Variants in NCAPH2 observed in about 807,000 individuals in gnomAD.
NCAPH2 encodes the protein non-SMC condensin II complex subunit H2.
A neutral mutation model predicts 88.6 loss-of-function variants in NCAPH2; 56 were observed. The observed-to-expected ratio is 0.63, with a 90% CI of 0.51 to 0.79. NCAPH2 has a LOEUF of 0.79. Among genes scored for constraint, NCAPH2 ranks in the 30% least tolerant of loss-of-function variants. The pLI, the probability that NCAPH2 is intolerant of heterozygous loss-of-function variation, is 0.00. For missense variants in NCAPH2, 794 were observed against 792.0 expected (o/e 1.00, Z -0.03); for synonymous variants, 378 against 313.6 (o/e 1.21, Z -2.17).
intron 2 of NCAPH2, 87 bp from the exon 3 acceptor site, chr22:50,517,340 C>A: frequency 7.0e-7 from 1 of 1,421,308 alleles, no homozygotes; most frequent in Non-Finnish European, 9.9e-7. Context: ...GTGGCCAGGC[C>A]TCGTGGGGGC....
rs894901842 is a variant in NCAPH2 at position 50,516,792 on chromosome 22, G to A, written c.210+244G>A. ...TTGTCTTGGGGGAATGACACCTGCT[G>A]TGTGCACTTGGACACAGCCCAGGGT... is the stretch of plus-strand genomic sequence containing the variant. On this transcript the variant is annotated intron_variant, in intron 2 of 19. Coordinates refer to ENST00000420993, the MANE Select transcript of NCAPH2 (RefSeq NM_152299.4). Among the ~76,000 whole-genome samples the A allele has an allele frequency of 2.0e-5, 3 of 152,324 alleles. No individual in the cohort carries two copies. In the South Asian group the frequency reaches 6.2e-4, roughly 32 times the overall value.
At chr22:50,508,467 C>CG in intron 1 of NCAPH2, 22 bp downstream of exon 1, 1 of 297,562 alleles carries the variant, frequency 3.4e-6, no homozygotes, top group South Asian at 5.4e-5. Context: ...GGGGGAGTGA[C>CG]GCGGGGTGGG....
chr22:50,522,276 A>C (rs2069126578), intron 14 of NCAPH2, 25 bp downstream of exon 14: 1 of 1,611,452 alleles, frequency 6.2e-7, no homozygotes. Flanking sequence ...GTCAGCTGTG[A>C]TCTAGGACCC....
intron 8 of NCAPH2, 65 bp from the exon 9 acceptor site, chr22:50,519,125 G>T (rs533068306): frequency 1.4e-6 from 2 of 1,430,130 alleles, no homozygotes; most frequent in Non-Finnish European, 1.9e-6. Context: ...AGCCATCAGG[G>T]TCCCTTTGGT....
At position 50,508,463 on chromosome 22, in the gene NCAPH2, GTGAC is replaced by G; in HGVS notation, c.108+19_108+22del. On this transcript the variant is annotated intron_variant, in intron 1 of 19. Coordinates refer to ENST00000420993, the MANE Select transcript of NCAPH2 (RefSeq NM_152299.4). ...TGGAGGAGGTAAGGGCGGCGGGGGA[GTGAC>G]GCGGGGTGGGCCGGCGGGTGGGGCT... The G allele has an allele frequency of 8.0e-7, 1 of 1,246,384 alleles. No individual in the cohort carries two copies. The highest frequency in any genetic ancestry group is 3.3e-5 in the East Asian group (1 of 30,754). The allele number at this position is 1,246,384 out of a possible 1,614,324, so 77.2% of individuals were successfully genotyped here.
Position 50,518,268 on chromosome 22 carries a change from G to A in NCAPH2, c.636G>A (p.Gly212=), listed in dbSNP as rs1569520688. The A allele has an allele frequency of 6.2e-7, 1 of 1,612,962 alleles. No individual in the cohort carries two copies. Among genetic ancestry groups the A allele is most frequent in the East Asian group, 2.2e-5 (1 of 44,874 alleles). Residue 212 remains glycine, a synonymous_variant, in exon 7 of 20, where the codon GGG becomes GGA. Transcript: ENST00000420993. ...MEPAGVSPMP[G]TQKDTGRTEE... ...CAGCGGGCGTTTCCCCCATGCCAGGGACCCAGAAGGGTGAGGGCTTGGATG... is the reference window on the plus strand; with the variant it reads ...CAGCGGGCGTTTCCCCCATGCCAGGAACCCAGAAGGGTGAGGGCTTGGATG...
In NCAPH2 at chr22:50,522,001, A is replaced by G. The variant is rs749032653; in HGVS notation, c.1124A>G (p.Asp375Gly). Residue 375 changes from aspartate (D) to glycine (G), a missense_variant, in exon 13 of 20, where the codon GAC becomes GGC. By Grantham distance (94) the Asp-to-Gly change is moderately conservative. Around this residue, in one of 2 missense-constraint regions of NCAPH2, gnomAD observed 735 missense variants for 696.3 expected, o/e 1.06. Transcript: ENST00000420993. ...TCTTTCACAGATGCAGACCATGCCGACAGCAGGCGGCTTCGGCGAAAGGGT... is the reference window on the plus strand; with the variant it reads ...TCTTTCACAGATGCAGACCATGCCGGCAGCAGGCGGCTTCGGCGAAAGGGT... ...WYLAAYADHADSRRLRRKGPS... is the reference protein window; with the variant it reads ...WYLAAYADHAGSRRLRRKGPS... 6.2e-7 allele frequency: 1 copy of G among 1,614,008 alleles called. No homozygotes were observed. Among genetic ancestry groups the G allele is most frequent in the South Asian group, 1.1e-5 (1 of 91,082 alleles).
intron 1 of NCAPH2, among the ~76,000 whole-genome samples, chr22:50,509,334 T>G (rs763938595): frequency 3.3e-5 from 5 of 152,214 alleles, no homozygotes; most frequent in Non-Finnish European, 5.9e-5. Context: ...TGACATCTAG[T>G]GGGTGTCACG....
At position 50,523,376 on chromosome 22, in the gene NCAPH2, G is replaced by C. The variant is rs2069176714; in HGVS notation, c.*1G>C. 2 of 1,543,496 alleles carry C rather than the reference G, an allele frequency of 1.3e-6. No individual in the cohort carries two copies. The highest frequency in any genetic ancestry group is 2.7e-5 in the African/African-American group (2 of 73,044). On this transcript the variant is annotated 3_prime_UTR_variant, in exon 20 of 20. Coordinates refer to ENST00000420993, the MANE Select transcript of NCAPH2 (RefSeq NM_152299.4). ...TGCCCCCTCCATGGCCCAGCCCTGA[G>C]TGGGGAGCACCGAGGCAGGGGTGGG...
At position 50,518,338 on chromosome 22, in the gene NCAPH2, CT is replaced by C; in HGVS notation, c.646+62del. ...GAAGGGAGGGTCTTCTGGTTGGACTCTTGTGGGGTGCCCTGTGCTTGCCACC... is the reference window on the plus strand; with the variant it reads ...GAAGGGAGGGTCTTCTGGTTGGACTCTGTGGGGTGCCCTGTGCTTGCCACC... On this transcript the variant is annotated intron_variant, in intron 7 of 19. Transcript: ENST00000420993. 1.9e-6 allele frequency: 3 copies of C among 1,583,208 alleles called. No homozygotes were observed. In the South Asian group the frequency reaches 3.5e-5, roughly 18 times the overall value.
chr22:50,517,047 G>A (rs892085454), intron 2 of NCAPH2, among the ~76,000 whole-genome samples: 13 of 152,208 alleles, frequency 8.5e-5, no homozygotes, highest in Admixed American at 7.2e-4. Flanking sequence ...GGGAGCACAC[G>A]GGCGGAGGAG....
In NCAPH2 at chr22:50,518,065, G is replaced by A; in HGVS notation, c.500+13G>A. 6.2e-7 allele frequency: 1 copy of A among 1,613,792 alleles called. No homozygotes were observed. Among genetic ancestry groups the A allele is most frequent in the African/African-American group, 1.3e-5 (1 of 75,058 alleles). ...ATCCCCTGTACAGGTAGGGATCTGA[G>A]CCCAGCGACGGGGAGGGAGGCCTGC... On this transcript the variant is annotated intron_variant, in intron 6 of 19. Transcript: ENST00000420993.
At position 50,517,590 on chromosome 22, in the gene NCAPH2, C is replaced by G. The variant is rs1008858456; in HGVS notation, c.280C>G (p.Leu94Val). ...FISGKRRAKQLSSVQEDRANG... is the reference protein window; with the variant it reads ...FISGKRRAKQVSSVQEDRANG... Reference sequence around the variant, plus strand: ...CTTCTCTCTCAGGCGGGCCAAGCAGCTCTCTTCGGTGCAGGAGGACAGGGC... The same window carrying G: ...CTTCTCTCTCAGGCGGGCCAAGCAGGTCTCTTCGGTGCAGGAGGACAGGGC... Residue 94 changes from leucine (L) to valine (V), a missense_variant, in exon 4 of 20, where the codon CTC (leucine) becomes GTC (valine). Leu to Val is a conservative substitution (Grantham distance 32, BLOSUM62 1). Around this residue, in one of 2 missense-constraint regions of NCAPH2, gnomAD observed 735 missense variants for 696.3 expected, o/e 1.06. Transcript: ENST00000420993. 1 of 1,614,122 alleles carries G rather than the reference C, an allele frequency of 6.2e-7. No individual in the cohort carries two copies.
At chr22:50,520,909 C>G in intron 9 of NCAPH2, 56 bp from the exon 10 acceptor site, 1 of 1,542,834 alleles carries the variant, frequency 6.5e-7, no homozygotes, top group Non-Finnish European at 8.8e-7. Context: ...CCTGGGGTAC[C>G]CAGAGCCTTG....
chr22:50,509,497 C>T (rs1419955412), intron 1 of NCAPH2, among the ~76,000 whole-genome samples: 1 of 152,222 alleles, frequency 6.6e-6, no homozygotes. Flanking sequence ...CTCAGTTCAT[C>T]CATGAATTCC....
Position 50,517,574 on chromosome 22 carries a change from C to T in NCAPH2, c.267-3C>T, listed in dbSNP as rs1386120958. 3 of 1,614,078 alleles carry T rather than the reference C, an allele frequency of 1.9e-6. No individual in the cohort carries two copies. The highest frequency in any genetic ancestry group is 2.5e-6 in the Non-Finnish European group (3 of 1,180,020). On this transcript the variant is annotated splice_region_variant and splice_polypyrimidine_tract_variant and intron_variant, in intron 3 of 19. Coordinates refer to ENST00000420993, the MANE Select transcript of NCAPH2 (RefSeq NM_152299.4). ...ATGCCCACGGGATGTGCTTCTCTCT[C>T]AGGCGGGCCAAGCAGCTCTCTTCGG...
chr22:50,516,345 G>A (rs983636670), intron 1 of NCAPH2, 102 bp from the exon 2 acceptor site: 19 of 1,021,190 alleles, frequency 1.9e-5, no homozygotes, highest in Middle Eastern at 2.1e-4. Context: ...TGCCCGTCTC[G>A]GGAGGTGCTG....
intron 9 of NCAPH2, 24 bp from the exon 10 acceptor site, chr22:50,520,941 G>A (rs1356829676): frequency 6.5e-7 from 1 of 1,550,322 alleles, no homozygotes; most frequent in Non-Finnish European, 8.7e-7. Flanking sequence ...AGGAGAAGTG[G>A]GGACCCTGTG....
At chr22:50,509,945 T>C (rs1027013178) in intron 1 of NCAPH2, among the ~76,000 whole-genome samples, 4 of 152,216 alleles carry the variant, frequency 2.6e-5, no homozygotes, top group African/African-American at 4.8e-5. Context: ...TATTTATATA[T>C]TTTGAGACGG....
Sources: allele counts gnomAD v4.1 joint callset (sites outside exome capture counted in the v4.1 genomes callset), GRCh38; gene constraint gnomAD v4.1.1; regional missense constraint gnomAD v4.1.1; transcripts MANE v1.5; gene names NCBI Gene and HGNC (gene_info 2026-07-23, HGNC 2026-07-21).